MPDZ: variants seen among roughly 807,000 people sequenced by gnomAD.
The protein encoded by MPDZ is multiple PDZ domain protein.
A neutral mutation model predicts 239.1 loss-of-function variants in MPDZ; 234 were observed. The observed-to-expected ratio is 0.98, with a 90% CI of 0.88 to 1.09. MPDZ has a LOEUF of 1.09. Ranked by LOEUF, MPDZ falls within the 50% of genes least tolerant of loss-of-function variation. The pLI is 0.00. For missense variants in MPDZ, 3,175 were observed against 2,510.0 expected (o/e 1.26, Z -5.66); for synonymous variants, 1,048 against 881.3 (o/e 1.19, Z -3.35).
At chr9:13,128,923 C>A (rs766253929) in intron 32 of MPDZ, among the ~76,000 whole-genome samples, 1 of 152,160 alleles carries the variant, frequency 6.6e-6, no homozygotes, top group East Asian at 1.9e-4. Flanking sequence ...GGGAAAAAAA[C>A]GGGCTCTCGA....
intron 36 of MPDZ, 100 bp from the exon 37 acceptor site, chr9:13,122,270 A>C: frequency 1.9e-6 from 2 of 1,034,014 alleles, no homozygotes; most frequent in Non-Finnish European, 2.9e-6. Context: ...AGACAGCAAT[A>C]AGGGTTATAA....
chr9:13,124,711 T>C (rs1463279745), intron 35 of MPDZ, among the ~76,000 whole-genome samples: 1 of 152,206 alleles, frequency 6.6e-6, no homozygotes, highest in Non-Finnish European at 1.5e-5. Flanking sequence ...CTGTAGATCA[T>C]GGCAATGACT....
rs1564192401 is a variant in MPDZ at position 13,279,275 on chromosome 9, A to ACCCCCG, written c.-58+124_-58+125insCGGGGG. The ACCCCCG allele has an allele frequency of 8.4e-4, 23 of 27,434 alleles. 1 individual carries two copies. The highest frequency in any genetic ancestry group is 2.4e-3 in the African/African-American group (21 of 8,600). 1.7% of individuals were successfully genotyped at this position (27,434 alleles called of 1,614,324 possible). ...TACCCCCACCCCCACCCCCACCCCC[A>ACCCCCG]TCCCCGCCCCCACCCCCACCCCCAA... On this transcript the variant is annotated intron_variant, in intron 1 of 46. Transcript: ENST00000319217.
intron 1 of MPDZ, among the ~76,000 whole-genome samples, chr9:13,260,813 A>T (rs538259421): frequency 6.6e-6 from 1 of 152,332 alleles, no homozygotes; most frequent in African/African-American, 2.4e-5. Context: ...CCTTGATCTT[A>T]GACCTTTCAA....
Position 13,123,300 on chromosome 9 carries a change from TA to T in MPDZ, c.4808-3del. The T allele has an allele frequency of 6.3e-7, 1 of 1,597,402 alleles. No homozygotes were observed. The highest frequency in any genetic ancestry group is 8.5e-7 in the Non-Finnish European group (1 of 1,171,584). ...CTGGTGTTGATGATCTGCTTGTATC[TA>T]AAAATAAGTTAAAAATGAAATACAA... On this transcript the variant is annotated splice_region_variant and splice_polypyrimidine_tract_variant and intron_variant, in intron 35 of 46. Coordinates refer to ENST00000319217, the MANE Select transcript of MPDZ (RefSeq NM_001378778.1).
chr9:13,197,158 A>ACT (rs1955751700), intron 12 of MPDZ, among the ~76,000 whole-genome samples: 7 of 101,528 alleles, frequency 6.9e-5, no homozygotes, highest in African/African-American at 1.8e-4. Context: ...TAAACAATAA[A>ACT]CTATATATAT....
chr9:13,204,532 C>G (rs747287529), intron 12 of MPDZ, among the ~76,000 whole-genome samples: 14 of 152,190 alleles, frequency 9.2e-5, no homozygotes, highest in Non-Finnish European at 2.1e-4. Flanking sequence ...CTGCAATTAC[C>G]TTCCAAACCA....
At chr9:13,112,624 G>C (rs995245197) in intron 42 of MPDZ, among the ~76,000 whole-genome samples, 9 of 152,178 alleles carry the variant, frequency 5.9e-5, no homozygotes, top group African/African-American at 1.9e-4. Flanking sequence ...AGAGTGCTCA[G>C]AACAATAGTA....
intron 10 of MPDZ, among the ~76,000 whole-genome samples, chr9:13,210,198 T>C (rs551720735): frequency 6.6e-6 from 1 of 151,944 alleles, no homozygotes; most frequent in Admixed American, 6.6e-5. Context: ...TGTACAATTG[T>C]GGAAAAGAAA....
chr9:13,224,017 G>C (rs1959703396), intron 4 of MPDZ, among the ~76,000 whole-genome samples: 2 of 151,700 alleles, frequency 1.3e-5, no homozygotes, highest in Admixed American at 1.3e-4. Context: ...GTGGGTGACA[G>C]AGCAAGGCAT....
chr9:13,141,908 G>A (rs1432789807), intron 27 of MPDZ, among the ~76,000 whole-genome samples: 2 of 152,074 alleles, frequency 1.3e-5, no homozygotes, highest in Non-Finnish European at 2.9e-5. Flanking sequence ...TGGAACCCTT[G>A]TTATGTTCCC....
chr9:13,202,106 GT>G (rs1956451890), intron 12 of MPDZ, among the ~76,000 whole-genome samples: 1 of 152,120 alleles, frequency 6.6e-6, no homozygotes, highest in Non-Finnish European at 1.5e-5. Flanking sequence ...CTCTTTGGTG[GT>G]GTTAGAGATT....
chr9:13,244,019 C>G (rs1010912037), intron 3 of MPDZ, among the ~76,000 whole-genome samples: 1 of 152,166 alleles, frequency 6.6e-6, no homozygotes, highest in Non-Finnish European at 1.5e-5. Flanking sequence ...TCTCTGTTGC[C>G]ATAGCTTTAA....
intron 19 of MPDZ, among the ~76,000 whole-genome samples, chr9:13,179,805 G>T (rs1166876294): frequency 2.0e-5 from 3 of 152,056 alleles, no homozygotes; most frequent in Non-Finnish European, 4.4e-5. Flanking sequence ...ATAAATTAAG[G>T]TTAGAGTTGG....
chr9:13,253,289 T>C (rs1264581476), intron 1 of MPDZ, among the ~76,000 whole-genome samples: 2 of 151,624 alleles, frequency 1.3e-5, no homozygotes, highest in Non-Finnish European at 2.9e-5. Flanking sequence ...ACTTTAAAAT[T>C]ACAGTTTCAG....
chr9:13,191,055 T>A (rs1400640581), intron 15 of MPDZ, among the ~76,000 whole-genome samples: 1 of 152,170 alleles, frequency 6.6e-6, no homozygotes, highest in Non-Finnish European at 1.5e-5. Flanking sequence ...GATGAAATTC[T>A]AGTTTGTAGA....
At chr9:13,279,061 G>C (rs1381087486) in intron 1 of MPDZ, 2 of 152,464 alleles carry the variant, frequency 1.3e-5, no homozygotes, top group African/African-American at 4.8e-5. Flanking sequence ...AGAAAGGGGT[G>C]GCGGGGGTGC....
chr9:13,121,024 T>A (rs1160214899), intron 38 of MPDZ, among the ~76,000 whole-genome samples: 6 of 152,236 alleles, frequency 3.9e-5, no homozygotes, highest in African/African-American at 1.4e-4. Flanking sequence ...TATTTGTTAA[T>A]ATCACTTATA....
intron 39 of MPDZ, among the ~76,000 whole-genome samples, chr9:13,118,621 G>A (rs949499349): frequency 6.6e-6 from 1 of 151,908 alleles, no homozygotes; most frequent in African/African-American, 2.4e-5. Context: ...AAACACACTA[G>A]GTTAAAAAAA....
Sources: gnomAD v4.1 joint callset for allele counts (sites outside exome capture counted in the v4.1 genomes callset) on GRCh38, gnomAD v4.1.1 for gene constraint, MANE v1.5 for transcripts, NCBI Gene and HGNC (gene_info 2026-07-23, HGNC 2026-07-21) for gene names.